Variants in ITPK1 observed in about 807,000 individuals in gnomAD.
ITPK1 encodes the protein inositol 1,3,4-trisphosphate 5/6-kinase.
A neutral mutation model predicts 45.3 loss-of-function variants in ITPK1; 21 were observed. The ratio of observed to expected loss-of-function variants is 0.46; its 90% confidence interval spans 0.33 to 0.67. ITPK1 has a LOEUF of 0.67. Among genes scored for constraint, ITPK1 ranks in the 30% least tolerant of loss-of-function variants. The pLI is 0.02. For synonymous variants in ITPK1, 258 were observed against 253.6 expected (o/e 1.02, Z -0.16); for missense variants, 474 against 573.5 (o/e 0.83, Z 1.77).
At position 92,939,499 on chromosome 14, in the gene ITPK1, A is replaced by T; in HGVS notation, c.*2062T>A. On this transcript the variant is annotated 3_prime_UTR_variant, in exon 11 of 11. Coordinates refer to ENST00000267615, the MANE Select transcript of ITPK1 (RefSeq NM_014216.6). ...CCCTGGGTGTGGCTGGCCCCTCCCT[A>T]CCTCCCATGTAGCTCCCAGGCCTTT... is the stretch of plus-strand genomic sequence containing the variant. 1 of 193,466 alleles carries T rather than the reference A, an allele frequency of 5.2e-6. No homozygotes were observed. Among genetic ancestry groups the T allele is most frequent in the Non-Finnish European group, 9.4e-6 (1 of 106,536 alleles). The allele number at this position is 193,466 out of a possible 1,614,324, so 12.0% of individuals were successfully genotyped here.
At chr14:92,992,053 A>G (rs146293288) in intron 5 of ITPK1, among the ~76,000 whole-genome samples, 134 of 152,352 alleles carry the variant, frequency 8.8e-4, no homozygotes, top group African/African-American at 3.1e-3. Context: ...GAGCCCAGAC[A>G]GGAACCCACA....
At chr14:93,108,449 C>A (rs550857850) in intron 2 of ITPK1, among the ~76,000 whole-genome samples, 1 of 152,284 alleles carries the variant, frequency 6.6e-6, no homozygotes, top group East Asian at 1.9e-4. Flanking sequence ...GGAGAAATAA[C>A]CGGTAAAGGC....
chr14:93,095,574 G>GTTT (rs34003729), intron 2 of ITPK1, among the ~76,000 whole-genome samples: 2 of 137,320 alleles, frequency 1.5e-5, no homozygotes, highest in Non-Finnish European at 3.1e-5. Flanking sequence ...CACGGACTAG[G>GTTT]TTTTTTTTTT....
intron 3 of ITPK1, among the ~76,000 whole-genome samples, chr14:93,064,645 G>C (rs956285301): frequency 2.6e-5 from 4 of 152,254 alleles, no homozygotes; most frequent in East Asian, 1.9e-4. Flanking sequence ...CTCCTTATAG[G>C]GTATACTCTA....
At chr14:93,006,673 A>T (rs1887631029) in intron 4 of ITPK1, among the ~76,000 whole-genome samples, 1 of 151,352 alleles carries the variant, frequency 6.6e-6, no homozygotes. Flanking sequence ...GCTGGGAGAA[A>T]CCACAGGCTC....
chr14:93,065,425 C>G (rs1290914587), intron 3 of ITPK1, among the ~76,000 whole-genome samples: 4 of 152,222 alleles, frequency 2.6e-5, no homozygotes, highest in Non-Finnish European at 5.9e-5. Context: ...ACAGCTCCTT[C>G]TGAGGACAAA....
At chr14:92,963,887 C>A (rs1253087121) in intron 5 of ITPK1, among the ~76,000 whole-genome samples, 1 of 152,154 alleles carries the variant, frequency 6.6e-6, no homozygotes, top group Admixed American at 6.5e-5. Context: ...GGCACAGGGG[C>A]CAGGAAAGGC....
chr14:93,010,458 C>T (rs1887834152), intron 4 of ITPK1, among the ~76,000 whole-genome samples: 2 of 152,204 alleles, frequency 1.3e-5, no homozygotes, highest in South Asian at 4.1e-4. Flanking sequence ...TCTGTGCCAT[C>T]CTGCACCTTC....
intron 4 of ITPK1, among the ~76,000 whole-genome samples, chr14:92,994,585 C>CA (rs1299727723): frequency 6.6e-6 from 1 of 152,212 alleles, no homozygotes. Flanking sequence ...CCCTAACTTA[C>CA]ATGGGGGGAA....
intron 9 of ITPK1, among the ~76,000 whole-genome samples, chr14:92,950,427 C>T (rs910350452): frequency 1.3e-4 from 20 of 152,240 alleles, no homozygotes; most frequent in African/African-American, 4.6e-4. Context: ...TGGTGCTGAC[C>T]GCATTTCTCT....
intron 3 of ITPK1, among the ~76,000 whole-genome samples, chr14:93,075,520 C>T (rs1047555527): frequency 1.3e-5 from 2 of 152,068 alleles, no homozygotes; most frequent in South Asian, 2.1e-4. Flanking sequence ...CCACAAACTA[C>T]CAGGAGGGAG....
At chr14:93,048,948 C>CA (rs34459748) in intron 3 of ITPK1, among the ~76,000 whole-genome samples, 13 of 151,472 alleles carry the variant, frequency 8.6e-5, no homozygotes, top group African/African-American at 2.7e-4. Flanking sequence ...GACTCTGTCT[C>CA]AAAAAAAAGA....
At chr14:92,990,208 A>G (rs12589455) in intron 5 of ITPK1, among the ~76,000 whole-genome samples, 30,629 of 152,100 alleles carry the variant, frequency 0.2, 3,401 homozygotes, top group East Asian at 0.32. Context: ...GCACAAAAAC[A>G]TGTCACTGGA....
Position 92,939,649 on chromosome 14 carries a change from C to A in ITPK1, c.*1912G>T. 1 of 983,144 alleles carries A rather than the reference C, an allele frequency of 1.0e-6. No individual in the cohort carries two copies. Among genetic ancestry groups the A allele is most frequent in the Non-Finnish European group, 1.2e-6 (1 of 827,948 alleles). The allele number at this position is 983,144 out of a possible 1,614,324, so 60.9% of individuals were successfully genotyped here. A position where few individuals can be genotyped will look rare whatever the true frequency, so the allele number is the denominator to read the frequency against. Reference sequence around the variant, plus strand: ...CCACCACGACACCACATGGCAGTTACTCGGTATCTGGGCCCTGGACGCGCA... The same window carrying A: ...CCACCACGACACCACATGGCAGTTAATCGGTATCTGGGCCCTGGACGCGCA... On this transcript the variant is annotated 3_prime_UTR_variant, in exon 11 of 11. Coordinates refer to ENST00000267615, the MANE Select transcript of ITPK1 (RefSeq NM_014216.6).
At chr14:93,006,140 C>T (rs559466711) in intron 4 of ITPK1, among the ~76,000 whole-genome samples, 1 of 152,238 alleles carries the variant, frequency 6.6e-6, no homozygotes, top group South Asian at 2.1e-4. Flanking sequence ...TGCTGAGAGC[C>T]GAGCAGTGGT....
intron 2 of ITPK1, among the ~76,000 whole-genome samples, chr14:93,108,360 C>G (rs1312652544): frequency 6.6e-6 from 1 of 152,248 alleles, no homozygotes; most frequent in Non-Finnish European, 1.5e-5. Flanking sequence ...CTATTTACAT[C>G]CAGCTGTTCA....
chr14:93,014,842 C>G lies in ITPK1; in HGVS notation c.246+1834G>C, dbSNP rs1452149360. 1.3e-5 allele frequency among the ~76,000 whole-genome samples: 2 copies of G among 152,232 alleles called. No homozygotes were observed. The highest frequency in any genetic ancestry group is 6.5e-5 in the Admixed American group (1 of 15,290). ...GCGCTTTCGAGCAGGGCTTGGTAAG[C>G]GGTAACTGCTCTGCAGTGCTTTCTG... On this transcript the variant is annotated intron_variant, in intron 4 of 10. Coordinates refer to ENST00000267615, the MANE Select transcript of ITPK1 (RefSeq NM_014216.6). This position sits in a 1 kb window ranked among gnomAD's most constrained non-coding sequence, Gnocchi z 4.4.
Position 92,939,616 on chromosome 14 carries a change from T to G in ITPK1, c.*1945A>C. 4.8e-5 allele frequency: 30 copies of G among 630,092 alleles called. No homozygotes were observed. Among genetic ancestry groups the G allele is most frequent in the South Asian group, 2.1e-4 (3 of 14,136 alleles). 39.0% of individuals were successfully genotyped at this position (630,092 alleles called of 1,614,324 possible). A position where few individuals can be genotyped will look rare whatever the true frequency, so the allele number is the denominator to read the frequency against. On this transcript the variant is annotated 3_prime_UTR_variant, in exon 11 of 11. Transcript: ENST00000267615. ...CCGCCCCCGCCCCACCACGGAGGCC[T>G]ATGGACGCCACCACGACACCACATG...
intron 2 of ITPK1, among the ~76,000 whole-genome samples, chr14:93,084,279 C>A (rs1181393479): frequency 6.6e-6 from 1 of 152,208 alleles, no homozygotes; most frequent in Non-Finnish European, 1.5e-5. Flanking sequence ...AGCGCTGGTT[C>A]CCAACTATGG....
Sources: gnomAD v4.1 joint callset for allele counts (sites outside exome capture counted in the v4.1 genomes callset) on GRCh38, gnomAD v4.1.1 for gene constraint, Gnocchi (gnomAD v3.1) non-coding constraint, MANE v1.5 for transcripts, NCBI Gene and HGNC (gene_info 2026-07-23, HGNC 2026-07-21) for gene names.